The following FNBP1 variants were observed in gnomAD, a reference collection of about 807,000 sequenced individuals.
The protein encoded by FNBP1 is formin binding protein 1, also known as formin-binding protein 1.
Under a neutral mutation model 90.6 loss-of-function variants are expected in FNBP1, and 26 were observed. The ratio of observed to expected loss-of-function variants is 0.29; its 90% CI spans 0.21 to 0.40. The LOEUF (loss-of-function observed/expected upper bound fraction) is 0.40. FNBP1 is among the 10% of genes least tolerant of loss of function. The probability of loss-of-function intolerance (pLI) is 1.00; values close to 1 mark genes in which losing one functional copy is unlikely to be tolerated. For missense variants in FNBP1, 635 were observed against 768.0 expected, an observed-to-expected ratio of 0.83 and a Z score of 2.05; for synonymous variants, 260 against 265.2, an observed-to-expected ratio of 0.98 and a Z score of 0.19.
chr9:129,917,185 T>C (rs909441819), intron 10 of FNBP1, among the ~76,000 whole-genome samples: 1 of 151,516 alleles, frequency 6.6e-6, no homozygotes, highest in East Asian at 2.0e-4. Flanking sequence ...GCTAATGTTT[T>C]GTATTTTTAG....
At chr9:129,930,791 T>C (rs556316261) in intron 6 of FNBP1, among the ~76,000 whole-genome samples, 72 of 152,294 alleles carry the variant, frequency 4.7e-4, no homozygotes, top group African/African-American at 1.6e-3. Flanking sequence ...TTTTGATAAA[T>C]ATAATCTTGT....
Position 129,900,483 on chromosome 9 carries a change from C to T in FNBP1, c.1493G>A (p.Gly498Glu), listed in dbSNP as rs1479122854. 1.2e-6 allele frequency: 2 copies of T among 1,603,488 alleles called. No homozygotes were observed. Residue 498 changes from glycine (G) to glutamate (E), a missense_variant, in exon 14 of 17, where the codon GGA (glycine) becomes GAA (glutamate). Gly to Glu is a moderately conservative substitution (Grantham distance 98). Transcript: ENST00000446176. The surrounding 1 kb of genome is among the most constrained non-coding windows in gnomAD (Gnocchi z 4.1). ...GGGTGGGTTCTGGCTGTCGTACAGT[C>T]CGCTCTGCCGGCGCGCCTGCTCGCT... ...ARSEQARRQS[G>E]LYDSQNPPTV...
the FNBP1 span, chr9:130,053,785 G>A: frequency 4.1e-6 from 3 of 725,152 alleles, no homozygotes; most frequent in Non-Finnish European, 4.5e-6. Flanking sequence ...GCTCCTCGAC[G>A]ACTTCCTAGG....
At chr9:130,001,197 T>C (rs2417197) in intron 1 of FNBP1, among the ~76,000 whole-genome samples, 9,979 of 150,870 alleles carry the variant, frequency 0.066, 426 homozygotes, top group Admixed American at 0.12. Flanking sequence ...CCGGGTGTGG[T>C]GGCGGTCGCC....
chr9:130,005,490 C>T (rs930629149), intron 1 of FNBP1, among the ~76,000 whole-genome samples: 17 of 151,726 alleles, frequency 1.1e-4, no homozygotes, highest in African/African-American at 2.7e-4. Context: ...TACAGACGCC[C>T]GCCACCACAC....
chr9:129,915,018 A>G (rs2040045754), intron 11 of FNBP1: 1 of 316,444 alleles, frequency 3.2e-6, no homozygotes, highest in Non-Finnish European at 6.7e-6. Flanking sequence ...GACTAGGCAT[A>G]TACAATTAAG....
At chr9:129,982,001 C>T (rs2051332465) in intron 2 of FNBP1, among the ~76,000 whole-genome samples, 1 of 152,102 alleles carries the variant, frequency 6.6e-6, no homozygotes, top group South Asian at 2.1e-4. Flanking sequence ...GGATACATAG[C>T]AGAGTTTAAT....
intron 1 of FNBP1, among the ~76,000 whole-genome samples, chr9:130,035,016 A>C (rs190894357): frequency 6.6e-6 from 1 of 152,232 alleles, no homozygotes; most frequent in African/African-American, 2.4e-5. Context: ...GAGTGTGGTG[A>C]CATGTGCCTG....
intron 6 of FNBP1, among the ~76,000 whole-genome samples, chr9:129,936,139 A>C (rs1416197400): frequency 6.6e-6 from 1 of 152,144 alleles, no homozygotes; most frequent in Non-Finnish European, 1.5e-5. Flanking sequence ...TTTGTCACCA[A>C]AAGTTTGGGG....
chr9:129,917,993 A>C (rs2040515046), intron 10 of FNBP1, among the ~76,000 whole-genome samples: 1 of 152,222 alleles, frequency 6.6e-6, no homozygotes, highest in Non-Finnish European at 1.5e-5. Context: ...TTGTCTAAAC[A>C]TTGCTAATTC....
intron 1 of FNBP1, among the ~76,000 whole-genome samples, chr9:130,016,658 G>A (rs1011795188): frequency 6.6e-6 from 1 of 152,112 alleles, no homozygotes; most frequent in African/African-American, 2.4e-5. Context: ...CAGGAGAATC[G>A]CTTGAACCTG....
At chr9:130,040,216 C>T (rs929034344) in intron 1 of FNBP1, among the ~76,000 whole-genome samples, 13 of 152,174 alleles carry the variant, frequency 8.5e-5, no homozygotes, top group African/African-American at 2.7e-4. Flanking sequence ...TTGCATTTCA[C>T]CTGAAAACTT....
At position 129,902,620 on chromosome 9, in the gene FNBP1, C is replaced by T. The variant is rs115908626; in HGVS notation, c.1428+249G>A. On this transcript the variant is annotated intron_variant, in intron 13 of 16. Coordinates refer to ENST00000446176, the MANE Select transcript of FNBP1 (RefSeq NM_015033.3). ...AATTAAAAAACAACCCCGCCAACCC[C>T]GCACCGTATACAGATACAACATTAA... 2.6e-3 allele frequency among the ~76,000 whole-genome samples: 389 copies of T among 152,194 alleles called. 2 individuals are homozygous for T. The highest frequency in any genetic ancestry group is 0.011 in the East Asian group (56 of 5,174).
intron 16 of FNBP1, among the ~76,000 whole-genome samples, chr9:129,892,601 C>A (rs2035234227): frequency 6.6e-6 from 1 of 152,108 alleles, no homozygotes; most frequent in Admixed American, 6.5e-5. Context: ...CTAAGTGTAA[C>A]TTTCAAATAA....
At chr9:129,934,841 CAA>C (rs2043204293) in intron 6 of FNBP1, among the ~76,000 whole-genome samples, 2 of 152,070 alleles carry the variant, frequency 1.3e-5, no homozygotes, top group South Asian at 4.2e-4. Context: ...GTTAGCCTCC[CAA>C]AGTGTTGGGA....
At chr9:130,033,442 G>A (rs1481704899) in intron 1 of FNBP1, among the ~76,000 whole-genome samples, 1 of 152,190 alleles carries the variant, frequency 6.6e-6, no homozygotes. Context: ...GCAAATAGAA[G>A]TACAAGGGGA....
rs1014233364 is a variant in FNBP1 at position 129,922,715 on chromosome 9, G to A, written c.1170+1129C>T. Among the ~76,000 whole-genome samples the A allele has an allele frequency of 2.6e-5, 4 of 151,982 alleles. No homozygotes were observed. The East Asian group carries it at 5.8e-4, about 22-fold the overall frequency. ...TCTTATATAATCTCACTAAAATAGC[G>A]AATGAAACCACTGTGACTTATGACT... is the stretch of plus-strand genomic sequence containing the variant. On this transcript the variant is annotated intron_variant, in intron 10 of 16. Coordinates refer to ENST00000446176, the MANE Select transcript of FNBP1 (RefSeq NM_015033.3).
At chr9:129,965,994 A>T (rs2048572018) in intron 4 of FNBP1, among the ~76,000 whole-genome samples, 1 of 152,186 alleles carries the variant, frequency 6.6e-6, no homozygotes, top group South Asian at 2.1e-4. Context: ...ATAGAGTGCC[A>T]GGGTGATCAT....
chr9:129,902,609 C>A (rs1011749787), intron 13 of FNBP1, among the ~76,000 whole-genome samples: 8 of 152,078 alleles, frequency 5.3e-5, no homozygotes, highest in African/African-American at 1.9e-4. Context: ...AAAAAACAAC[C>A]CCGCCAACCC....
Sources: allele counts gnomAD v4.1 joint callset (sites outside exome capture counted in the v4.1 genomes callset), GRCh38; gene constraint gnomAD v4.1.1; non-coding constraint Gnocchi (gnomAD v3.1); transcripts MANE v1.5; gene names NCBI Gene and HGNC (gene_info 2026-07-23, HGNC 2026-07-21).